TMEM217B: variants seen among roughly 807,000 people sequenced by gnomAD.
The protein encoded by TMEM217B is putative transmembrane protein 217B.
chr6:37,252,639 T>A, the TMEM217B span, among the ~76,000 whole-genome samples: 1,202 of 42,594 alleles, frequency 0.028, 10 homozygotes, highest in East Asian at 0.085. Context: ...ATATATATAT[T>A]TTTTTTTTTT....
At chr6:37,212,307 A>C in the TMEM217B span, 1 of 354,952 alleles carries the variant, frequency 2.8e-6, no homozygotes, top group Non-Finnish European at 5.6e-6. Context: ...CGTAAAACTC[A>C]AAAGCCCTGA....
chr6:37,216,744 T>G, the TMEM217B span, among the ~76,000 whole-genome samples: 1 of 152,288 alleles, frequency 6.6e-6, no homozygotes, highest in South Asian at 2.1e-4. Context: ...CATTAAAAGA[T>G]GGGGCCTTTA....
At chr6:37,247,901 T>C in the TMEM217B span, among the ~76,000 whole-genome samples, 1 of 152,130 alleles carries the variant, frequency 6.6e-6, no homozygotes, top group Non-Finnish European at 1.5e-5. Context: ...TGGTTTTCCA[T>C]AGTTCTCGGG....
chr6:37,218,627 C>T, the TMEM217B span: 18 of 1,613,962 alleles, frequency 1.1e-5, no homozygotes, highest in African/African-American at 4.0e-5. Flanking sequence ...CATGACTGTA[C>T]GAGACACCAA....
chr6:37,255,409 C>A, the TMEM217B span, among the ~76,000 whole-genome samples: 7 of 152,014 alleles, frequency 4.6e-5, no homozygotes, highest in African/African-American at 1.7e-4. Flanking sequence ...GGGCAGGGTG[C>A]GATGGCTCCC....
At chr6:37,219,752 G>C in the TMEM217B span, among the ~76,000 whole-genome samples, 1 of 151,996 alleles carries the variant, frequency 6.6e-6, no homozygotes, top group South Asian at 2.1e-4. Flanking sequence ...AAATTATGCT[G>C]TTAACTCTCC....
At chr6:37,229,564 G>A in the TMEM217B span, among the ~76,000 whole-genome samples, 2 of 151,938 alleles carry the variant, frequency 1.3e-5, no homozygotes, top group South Asian at 4.2e-4. Context: ...GGATGGTCTC[G>A]ATCTCCTGAC....
chr6:37,224,459 G>A, the TMEM217B span, among the ~76,000 whole-genome samples: 1 of 151,372 alleles, frequency 6.6e-6, no homozygotes, highest in East Asian at 2.0e-4. Context: ...TTAGCCGGGC[G>A]TGGTGGCGGG....
chr6:37,233,852 C>T, the TMEM217B span, among the ~76,000 whole-genome samples: 3 of 152,158 alleles, frequency 2.0e-5, no homozygotes, highest in African/African-American at 7.2e-5. Flanking sequence ...TTCCACTTTA[C>T]AATGGTGCAA....
At chr6:37,215,576 AAAAAAAAAAAAAAAAAAAAAAAAAAG>A in the TMEM217B span, among the ~76,000 whole-genome samples, 1 of 19,908 alleles carries the variant, frequency 5.0e-5, no homozygotes, top group African/African-American at 2.2e-4. Flanking sequence ...GTCTCAAAAA[AAAAAAAAAAAAAAAAAAAAAAAAAAG>A]AAAAGAAAAA....
chr6:37,242,905 T>C, the TMEM217B span, among the ~76,000 whole-genome samples: 3 of 152,108 alleles, frequency 2.0e-5, no homozygotes, highest in East Asian at 1.9e-4. Flanking sequence ...GTCTCTTTCA[T>C]AGGAAGTAAA....
At chr6:37,229,006 AC>A in the TMEM217B span, among the ~76,000 whole-genome samples, 1 of 152,058 alleles carries the variant, frequency 6.6e-6, no homozygotes, top group Admixed American at 6.6e-5. Context: ...CAAAAAAAAA[AC>A]AAAAAACAAA....
chr6:37,212,540 C>T, the TMEM217B span: 1 of 459,010 alleles, frequency 2.2e-6, no homozygotes, highest in East Asian at 6.9e-5. Context: ...AGGTTGTATG[C>T]ATGCTTGACG....
the TMEM217B span, among the ~76,000 whole-genome samples, chr6:37,237,238 C>T: frequency 6.6e-6 from 1 of 152,278 alleles, no homozygotes; most frequent in East Asian, 1.9e-4. Context: ...AATCAAAGTT[C>T]CCGCATTTGC....
the TMEM217B span, among the ~76,000 whole-genome samples, chr6:37,239,694 T>C: frequency 6.6e-6 from 1 of 152,146 alleles, no homozygotes; most frequent in Non-Finnish European, 1.5e-5. Flanking sequence ...CAGTAGAATA[T>C]GTTGCTGCCA....
chr6:37,240,686 T>G, the TMEM217B span, among the ~76,000 whole-genome samples: 1 of 152,294 alleles, frequency 6.6e-6, no homozygotes, highest in East Asian at 1.9e-4. Flanking sequence ...GGCTATCACA[T>G]CTCTATGTAT....
At chr6:37,251,261 A>G in the TMEM217B span, among the ~76,000 whole-genome samples, 9 of 152,364 alleles carry the variant, frequency 5.9e-5, no homozygotes, top group East Asian at 1.2e-3. Context: ...CATCTCACAT[A>G]TGGGAATGAA....
chr6:37,244,041 T>A, the TMEM217B span, among the ~76,000 whole-genome samples: 1 of 152,254 alleles, frequency 6.6e-6, no homozygotes, highest in Non-Finnish European at 1.5e-5. Flanking sequence ...ACAAATTTTG[T>A]GACCTCTGGA....
chr6:37,219,060 T>C, the TMEM217B span: 1 of 1,589,588 alleles, frequency 6.3e-7, no homozygotes, highest in Non-Finnish European at 8.6e-7. Flanking sequence ...ACAAACAACA[T>C]GAGGGAGAAT....
Sources: gnomAD v4.1 joint callset for allele counts (sites outside exome capture counted in the v4.1 genomes callset) on GRCh38, gnomAD v4.1.1 for gene constraint, MANE v1.5 for transcripts, NCBI Gene and HGNC (gene_info 2026-07-23, HGNC 2026-07-21) for gene names.